The following CCDC88C variants were observed in gnomAD, a reference collection of about 807,000 sequenced individuals.
CCDC88C encodes protein Daple.
Under a neutral mutation model 198.8 loss-of-function variants are expected in CCDC88C, and 131 were observed. The ratio of observed to expected loss-of-function variants is 0.66; its 90% confidence interval spans 0.57 to 0.76. The LOEUF (loss-of-function observed/expected upper bound fraction) is 0.76, where lower values mean the gene tolerates loss of function less well. CCDC88C is among the 30% of genes least tolerant of loss of function. The pLI is 0.00. For synonymous variants in CCDC88C, 1,166 were observed against 1,114.7 expected (o/e 1.05, Z -0.92); for missense variants, 2,553 against 2,631.6 (o/e 0.97, Z 0.65).
intron 13 of CCDC88C, among the ~76,000 whole-genome samples, chr14:91,316,907 C>G (rs1324537188): frequency 6.6e-6 from 1 of 152,170 alleles, no homozygotes; most frequent in Non-Finnish European, 1.5e-5. Flanking sequence ...CTTTCTGGCC[C>G]CCAGAGGGTT....
chr14:91,331,237 GA>G (rs2139843174), intron 10 of CCDC88C, among the ~76,000 whole-genome samples: 1 of 152,280 alleles, frequency 6.6e-6, no homozygotes, highest in Admixed American at 6.5e-5. Flanking sequence ...AGAATCGGAG[GA>G]AAGTGGAAAG....
rs1285844 is a variant in CCDC88C, at chr14:91,416,923, A to C, written c.61-85T>G. On this transcript the variant is annotated intron_variant, in intron 1 of 29. Transcript: ENST00000389857. Reference sequence around the variant, plus strand: ...CAAAGCTCTCCCAGGCAGAGACTGGACGGGTCAGTGTGAGCAGAAGGGGGT... The same window carrying C: ...CAAAGCTCTCCCAGGCAGAGACTGGCCGGGTCAGTGTGAGCAGAAGGGGGT... 0.85 allele frequency: 781,934 copies of C among 917,642 alleles called. 334,875 individuals carry two copies. Among genetic ancestry groups the C allele is most frequent in the East Asian group, 0.98 (37,776 of 38,352 alleles). The allele number at this position is 917,642 out of a possible 1,614,324, so 56.8% of individuals were successfully genotyped here.
At chr14:91,406,674 C>T (rs149089612) in intron 3 of CCDC88C, among the ~76,000 whole-genome samples, 2 of 152,386 alleles carry the variant, frequency 1.3e-5, no homozygotes, top group Admixed American at 6.5e-5. Flanking sequence ...ATGGCACCTG[C>T]AGACAGGGCC....
intron 4 of CCDC88C, among the ~76,000 whole-genome samples, chr14:91,351,575 C>T (rs939492743): frequency 7.2e-5 from 11 of 152,198 alleles, no homozygotes; most frequent in African/African-American, 2.7e-4. Flanking sequence ...CCTCTACGCA[C>T]GGGCTCACAT....
At chr14:91,277,774 TA>T in intron 29 of CCDC88C, 147 bp downstream of exon 29, 1 of 855,796 alleles carries the variant, frequency 1.2e-6, no homozygotes, top group Non-Finnish European at 1.7e-6. Flanking sequence ...ACTTGTCAGC[TA>T]GTGCTCTAGT....
intron 3 of CCDC88C, among the ~76,000 whole-genome samples, chr14:91,383,803 C>T (rs1260836352): frequency 6.6e-6 from 1 of 152,190 alleles, no homozygotes; most frequent in Non-Finnish European, 1.5e-5. Context: ...TGAAGAGGAC[C>T]TAGCACTGGA....
intron 25 of CCDC88C, among the ~76,000 whole-genome samples, chr14:91,286,949 C>T (rs1890433676): frequency 1.3e-5 from 2 of 152,202 alleles, no homozygotes; most frequent in South Asian, 2.1e-4. Context: ...GCATAAAGCA[C>T]ATAAAGTAGT....
chr14:91,405,440 G>A (rs866050990), intron 3 of CCDC88C, among the ~76,000 whole-genome samples: 4 of 152,146 alleles, frequency 2.6e-5, no homozygotes, highest in Non-Finnish European at 5.9e-5. Flanking sequence ...CAGGACCTTC[G>A]GGGCTACTTT....
intron 4 of CCDC88C, among the ~76,000 whole-genome samples, chr14:91,355,309 G>A (rs537082226): frequency 1.3e-4 from 20 of 152,292 alleles, no homozygotes; most frequent in African/African-American, 4.6e-4. Context: ...GGGGAAACAA[G>A]GCGAAGGACG....
At chr14:91,403,089 C>T (rs1886300549) in intron 3 of CCDC88C, among the ~76,000 whole-genome samples, 1 of 152,188 alleles carries the variant, frequency 6.6e-6, no homozygotes, top group Admixed American at 6.5e-5. Flanking sequence ...TGAAGGAGGG[C>T]ACTCAGGAGG....
chr14:91,341,489 C>T (rs986066554), intron 6 of CCDC88C, among the ~76,000 whole-genome samples: 2 of 152,210 alleles, frequency 1.3e-5, no homozygotes, highest in African/African-American at 4.8e-5. Flanking sequence ...AGCTGGTAGG[C>T]CCAGCTACAG....
chr14:91,377,694 G>C (rs1039355351), intron 3 of CCDC88C, among the ~76,000 whole-genome samples: 1 of 152,218 alleles, frequency 6.6e-6, no homozygotes, highest in Non-Finnish European at 1.5e-5. Flanking sequence ...GAGTAACAAA[G>C]ACCTTAAAAA....
chr14:91,360,218 G>A (rs1369391459), intron 3 of CCDC88C, among the ~76,000 whole-genome samples: 1 of 151,042 alleles, frequency 6.6e-6, no homozygotes, highest in Non-Finnish European at 1.5e-5. Context: ...AGGATTTCGA[G>A]ACCAAGCCTG....
chr14:91,348,888 A>G (rs1285802), intron 4 of CCDC88C, among the ~76,000 whole-genome samples: 118,783 of 152,160 alleles, frequency 0.78, 46,681 homozygotes, highest in Non-Finnish European at 0.82. Flanking sequence ...ATTAACAAAA[A>G]CATCCTGTGA....
At chr14:91,364,534 C>G (rs1894442642) in intron 3 of CCDC88C, among the ~76,000 whole-genome samples, 1 of 152,108 alleles carries the variant, frequency 6.6e-6, no homozygotes, top group Non-Finnish European at 1.5e-5. Flanking sequence ...GCTTTGTAAT[C>G]TCACAAGGGG....
intron 10 of CCDC88C, among the ~76,000 whole-genome samples, chr14:91,331,377 G>C (rs985171615): frequency 3.3e-5 from 5 of 152,212 alleles, no homozygotes; most frequent in Admixed American, 3.3e-4. Flanking sequence ...AGGAGATGTT[G>C]CCTGGGGCCA....
At chr14:91,279,407 AAG>A (rs1438906768) in intron 27 of CCDC88C, 101 bp from the exon 28 acceptor site, 1 of 991,788 alleles carries the variant, frequency 1.0e-6, no homozygotes, top group African/African-American at 1.6e-5. Context: ...TCCCATGCCA[AAG>A]CTAAGCCCAA....
rs201865514 is a variant in CCDC88C, at chr14:91,338,477, C to T, written c.891+12G>A. ...TACCCCCAGGACACACAGGCTCAGG[C>T]CCCCGACTCACCTCCTGCTTAACTT... On this transcript the variant is annotated intron_variant, in intron 9 of 29. Coordinates refer to ENST00000389857, the MANE Select transcript of CCDC88C (RefSeq NM_001080414.4). This position sits in a 1 kb window ranked among gnomAD's most constrained non-coding sequence, Gnocchi z 4.8. The T allele has an allele frequency of 1.2e-4, 190 of 1,557,250 alleles. 1 individual carries two copies. In the East Asian group the frequency reaches 4.3e-3, roughly 35 times the overall value.
rs540803077 is a variant in CCDC88C, at chr14:91,371,569, C to A, written c.271-11858G>T. On this transcript the variant is annotated intron_variant, in intron 3 of 29. Transcript: ENST00000389857. The surrounding 1 kb of genome is among the most constrained non-coding windows in gnomAD (Gnocchi z 4.2). ...GAGCCTGTGGAGTCACAGACTGGGACCAAGACTGCCTCCCACACCCTCCAG... is the reference window on the plus strand; with the variant it reads ...GAGCCTGTGGAGTCACAGACTGGGAACAAGACTGCCTCCCACACCCTCCAG... Among the ~76,000 whole-genome samples, 1 of 152,234 alleles carries A rather than the reference C, an allele frequency of 6.6e-6. No individual in the cohort carries two copies. Among genetic ancestry groups the A allele is most frequent in the South Asian group, 2.1e-4 (1 of 4,820 alleles).
Sources: allele counts gnomAD v4.1 joint callset (sites outside exome capture counted in the v4.1 genomes callset), GRCh38; gene constraint gnomAD v4.1.1; non-coding constraint Gnocchi (gnomAD v3.1); transcripts MANE v1.5; gene names NCBI Gene and HGNC (gene_info 2026-07-23, HGNC 2026-07-21).